The following ZBTB46 variants were observed in gnomAD, a reference collection of about 807,000 sequenced individuals.
ZBTB46 encodes the protein zinc finger and BTB domain-containing protein 46.
A neutral mutation model predicts 44.1 loss-of-function variants in ZBTB46; 8 were observed. The observed-to-expected ratio is 0.18, with a 90% CI of 0.11 to 0.33. The LOEUF is 0.33. Among genes scored for constraint, ZBTB46 ranks in the 10% least tolerant of loss-of-function variants. ZBTB46 has a pLI of 1.00. For missense variants in ZBTB46, 651 were observed against 847.7 expected (o/e 0.77, Z 2.88); for synonymous variants, 409 against 382.3 (o/e 1.07, Z -0.81).
chr20:63,784,341 G>A (rs945363410), intron 2 of ZBTB46, among the ~76,000 whole-genome samples: 5 of 152,198 alleles, frequency 3.3e-5, no homozygotes, highest in Middle Eastern at 3.2e-3. Context: ...TGCAGGCAGT[G>A]CTAGGCACCC....
At chr20:63,792,865 CG>C (rs1203108430) in intron 1 of ZBTB46, among the ~76,000 whole-genome samples, 1 of 152,192 alleles carries the variant, frequency 6.6e-6, no homozygotes, top group Non-Finnish European at 1.5e-5. Context: ...TTTCACAGGC[CG>C]GGAAGATGAG....
At chr20:63,797,379 C>T (rs1226059006) in intron 1 of ZBTB46, among the ~76,000 whole-genome samples, 3 of 151,988 alleles carry the variant, frequency 2.0e-5, no homozygotes, top group Admixed American at 6.6e-5. Context: ...ACATGTGCCA[C>T]ATTTTCTTAA....
chr20:63,770,658 G>A (rs544885807), intron 3 of ZBTB46, among the ~76,000 whole-genome samples: 24 of 152,228 alleles, frequency 1.6e-4, no homozygotes, highest in African/African-American at 4.1e-4. Flanking sequence ...AGAAATCTGC[G>A]ACCACCATCC....
chr20:63,828,609 A>G (rs982248050), intron 1 of ZBTB46, among the ~76,000 whole-genome samples: 1 of 152,274 alleles, frequency 6.6e-6, no homozygotes, highest in African/African-American at 2.4e-5. Context: ...GAGAAGCAGC[A>G]GCCTGAGTTT....
intron 3 of ZBTB46, among the ~76,000 whole-genome samples, chr20:63,765,078 TGTGCATGTGTGC>T: frequency 2.8e-5 from 1 of 36,262 alleles, no homozygotes; most frequent in Non-Finnish European, 5.5e-5. Context: ...CATGTGTGCG[TGTGCATGTGTGC>T]ATGTGTATGT....
intron 3 of ZBTB46, 122 bp downstream of exon 3, chr20:63,775,540 CTCCCGCAACAGGGAGG>C (rs1473370579): frequency 9.2e-6 from 11 of 1,197,178 alleles, no homozygotes; most frequent in Admixed American, 5.7e-5. Context: ...GCATCCTCAC[CTCCCGCAACAGGGAGG>C]TCAGCAGGCG....
chr20:63,786,721 ACGATGGTCT>A (rs888297846), intron 2 of ZBTB46, among the ~76,000 whole-genome samples: 1 of 152,154 alleles, frequency 6.6e-6, no homozygotes, highest in African/African-American at 2.4e-5. Context: ...CATGTTGGCC[ACGATGGTCT>A]CGATCTCCTG....
chr20:63,800,527 G>A (rs981639463), intron 1 of ZBTB46, among the ~76,000 whole-genome samples: 12 of 152,256 alleles, frequency 7.9e-5, no homozygotes, highest in African/African-American at 1.2e-4. Flanking sequence ...GGCCAAGGCC[G>A]GAGCCGGCTC....
chr20:63,796,470 C>T (rs927316834), intron 1 of ZBTB46, among the ~76,000 whole-genome samples: 4 of 152,394 alleles, frequency 2.6e-5, no homozygotes, highest in South Asian at 2.1e-4. Context: ...CTTGATCTCT[C>T]TGTTTTGCCT....
At chr20:63,807,348 C>T (rs902131382) in intron 1 of ZBTB46, among the ~76,000 whole-genome samples, 1 of 151,942 alleles carries the variant, frequency 6.6e-6, no homozygotes, top group East Asian at 1.9e-4. Flanking sequence ...TTCAGATTTT[C>T]TGTTTCTTCT....
chr20:63,751,264 C>T lies in ZBTB46; in HGVS notation c.1398+1422G>A, dbSNP rs1228814712. Among the ~76,000 whole-genome samples the T allele has an allele frequency of 3.3e-5, 5 of 152,264 alleles. No homozygotes were observed. In the South Asian group the frequency reaches 1.0e-3, roughly 32 times the overall value. ...CGCGTGGATGTGGGTCTGCTTCTGG[C>T]CTTGCAGACCTGCCATCTCGTGGTC... On this transcript the variant is annotated intron_variant, in intron 4 of 4. Coordinates refer to ENST00000245663, the MANE Select transcript of ZBTB46 (RefSeq NM_001369741.1).
rs1417765621 is a variant in ZBTB46 at position 63,790,081 on chromosome 20, A to G, written c.677T>C (p.Leu226Pro). 1 of 1,614,060 alleles carries G rather than the reference A, an allele frequency of 6.2e-7. No individual in the cohort carries two copies. Among genetic ancestry groups the G allele is most frequent in the Non-Finnish European group, 8.5e-7 (1 of 1,180,034 alleles). ...LWPGDVGYGP[L>P]RIKEEQVSPS... ...TGAAACCTGCTCTTCCTTGATGCGCAGAGGCCCGTAGCCCACGTCTCCAGG... is the reference window on the plus strand; with the variant it reads ...TGAAACCTGCTCTTCCTTGATGCGCGGAGGCCCGTAGCCCACGTCTCCAGG... The change falls in exon 2 of 5, where the codon CTG (leucine) becomes CCG (proline). Residue 226 changes from leucine to proline, a missense_variant. Coordinates refer to ENST00000245663, the MANE Select transcript of ZBTB46 (RefSeq NM_001369741.1).
intron 4 of ZBTB46, among the ~76,000 whole-genome samples, chr20:63,748,842 C>T (rs2092130616): frequency 6.6e-6 from 1 of 152,244 alleles, no homozygotes; most frequent in Non-Finnish European, 1.5e-5. Flanking sequence ...CACCAGTTTT[C>T]TCCCATGAGC....
intron 1 of ZBTB46, among the ~76,000 whole-genome samples, chr20:63,791,849 C>G (rs1366954438): frequency 2.6e-5 from 4 of 152,186 alleles, no homozygotes; most frequent in African/African-American, 4.8e-5. Flanking sequence ...TCCTTAGACT[C>G]AGGGATGTGA....
chr20:63,763,848 G>A (rs1202774286), intron 3 of ZBTB46, among the ~76,000 whole-genome samples: 3 of 152,122 alleles, frequency 2.0e-5, no homozygotes, highest in Non-Finnish European at 2.9e-5. Flanking sequence ...TGCTAATAGT[G>A]TCATATGTTT....
chr20:63,779,171 G>A (rs1028994275), intron 2 of ZBTB46, among the ~76,000 whole-genome samples: 2 of 151,962 alleles, frequency 1.3e-5, no homozygotes, highest in African/African-American at 4.8e-5. Flanking sequence ...TGAGTGTGGG[G>A]GTGCACATTC....
At position 63,790,263 on chromosome 20, in the gene ZBTB46, C is replaced by A; in HGVS notation, c.495G>T (p.Arg165Ser). The A allele has an allele frequency of 1.2e-6, 2 of 1,612,306 alleles. No homozygotes were observed. The highest frequency in any genetic ancestry group is 8.5e-7 in the Non-Finnish European group (1 of 1,179,606). Residue 165 changes from arginine to serine, a missense_variant, in exon 2 of 5, where the codon AGG (arginine) becomes AGT (serine). Physicochemically the swap from Arg to Ser is moderately radical, Grantham distance 110. This residue lies in a region of ZBTB46 where 385 missense variants were observed against 423.3 expected (regional missense o/e 0.91). Transcript: ENST00000245663. ...EALISAVMAG[R>S]SISPWLARRT... ...GCCGTGCCAGCCACGGGGAGATGCT[C>A]CTCCCAGCCATCACGGCCGAGATGA...
At chr20:63,827,378 C>T (rs1001178869) in intron 1 of ZBTB46, among the ~76,000 whole-genome samples, 1 of 151,986 alleles carries the variant, frequency 6.6e-6, no homozygotes, top group Admixed American at 6.6e-5. Flanking sequence ...GAGGCCGAGG[C>T]GGGTGGATCA....
chr20:63,778,368 G>A (rs984411705), intron 2 of ZBTB46, among the ~76,000 whole-genome samples: 6 of 152,212 alleles, frequency 3.9e-5, no homozygotes, highest in East Asian at 1.9e-4. Flanking sequence ...CACGCTGAGC[G>A]ATGATGATTT....
Sources: allele counts gnomAD v4.1 joint callset (sites outside exome capture counted in the v4.1 genomes callset), GRCh38; gene constraint gnomAD v4.1.1; regional missense constraint gnomAD v4.1.1; transcripts MANE v1.5; gene names NCBI Gene and HGNC (gene_info 2026-07-23, HGNC 2026-07-21).